Variants in YWHAZ observed in about 807,000 individuals in gnomAD.
YWHAZ encodes the protein tyrosine 3-monooxygenase/tryptophan 5-monooxygenase activation protein zeta, also known as 14-3-3 protein zeta/delta.
For missense variants in YWHAZ, 79 were observed against 284.8 expected, an observed-to-expected ratio of 0.28 and a Z score of 5.20; for synonymous variants, 87 against 103.6, an observed-to-expected ratio of 0.84 and a Z score of 0.97.
chr8:100,944,640 T>C (rs903145854), intron 2 of YWHAZ, among the ~76,000 whole-genome samples: 3 of 152,230 alleles, frequency 2.0e-5, no homozygotes, highest in Non-Finnish European at 4.4e-5. Context: ...TAAAGGCTTC[T>C]TCAATCTTCG....
In YWHAZ at chr8:100,918,510, G is replaced by A. The variant is rs1434631512; in HGVS notation, c.*2183C>T. The A allele has an allele frequency of 1.4e-5, 2 of 144,328 alleles. No individual in the cohort carries two copies. The highest frequency in any genetic ancestry group is 3.0e-5 in the Non-Finnish European group (2 of 66,402). The allele number at this position is 144,328 out of a possible 1,614,324, so 8.9% of individuals were successfully genotyped here. ...TAAGTGAGGTAAAAGAAAGAGCTGC[G>A]AGGGAAAAGGATTGTTGCCCTAGAT... On this transcript the variant is annotated 3_prime_UTR_variant, in exon 6 of 6. Transcript: ENST00000395958.
At chr8:100,943,738 G>A (rs1025486376) in intron 2 of YWHAZ, among the ~76,000 whole-genome samples, 7 of 152,066 alleles carry the variant, frequency 4.6e-5, no homozygotes, top group Non-Finnish European at 8.8e-5. Flanking sequence ...TGTAATCCCA[G>A]CACTTTGGGA....
intron 2 of YWHAZ, among the ~76,000 whole-genome samples, chr8:100,935,760 TACTA>T (rs778102144): frequency 4.6e-5 from 7 of 152,162 alleles, no homozygotes; most frequent in Admixed American, 1.3e-4. Flanking sequence ...GTACTAATTC[TACTA>T]ACTAAGAGGC....
intron 2 of YWHAZ, among the ~76,000 whole-genome samples, chr8:100,932,339 CTCTTA>C (rs1321098634): frequency 2.0e-5 from 3 of 152,156 alleles, no homozygotes; most frequent in African/African-American, 7.2e-5. Flanking sequence ...TCTGAACTCC[CTCTTA>C]TGTGAAATAA....
chr8:100,926,724 G>C (rs900292566), intron 2 of YWHAZ, among the ~76,000 whole-genome samples: 2 of 152,220 alleles, frequency 1.3e-5, no homozygotes, highest in Non-Finnish European at 2.9e-5. Flanking sequence ...CATATTCAAA[G>C]TTCTCTTAGC....
At chr8:100,950,678 G>T in intron 1 of YWHAZ, 1 of 881,398 alleles carries the variant, frequency 1.1e-6, no homozygotes, top group South Asian at 5.2e-5. Flanking sequence ...GAGAGATGGG[G>T]AGCGAAGCCG....
At chr8:100,928,180 T>G (rs886186022) in intron 2 of YWHAZ, among the ~76,000 whole-genome samples, 4 of 151,992 alleles carry the variant, frequency 2.6e-5, no homozygotes, top group African/African-American at 9.7e-5. Flanking sequence ...CTCGGGAGAC[T>G]GAGGCAGGAG....
Position 100,922,199 on chromosome 8 carries a change from T to C in YWHAZ, c.679-1447A>G, listed in dbSNP as rs1050859380. Among the ~76,000 whole-genome samples, 1 of 152,216 alleles carries C rather than the reference T, an allele frequency of 6.6e-6. No homozygotes were observed. Among genetic ancestry groups the C allele is most frequent in the African/African-American group, 2.4e-5 (1 of 41,458 alleles). ...CAAATTTGATACAAAATATTTCTTT[T>C]TCTAGAGTAATGTGTTGACAGTCTT... On this transcript the variant is annotated intron_variant, in intron 5 of 5. Transcript: ENST00000395958. The surrounding 1 kb of genome is among the most constrained non-coding windows in gnomAD (Gnocchi z 4.1).
intron 2 of YWHAZ, chr8:100,931,906 G>C (rs922735914): frequency 6.6e-6 from 1 of 152,008 alleles, no homozygotes; most frequent in African/African-American, 2.4e-5. Flanking sequence ...ACAGGATTAA[G>C]ACATATCAAA....
upstream of YWHAZ, chr8:100,952,162 C>T (rs574727317): frequency 2.6e-4 from 252 of 985,240 alleles, no homozygotes; most frequent in African/African-American, 4.2e-3. Context: ...CCACAGCGAT[C>T]GGGGCCCCGC....
intron 5 of YWHAZ, chr8:100,923,020 C>CA (rs1217070344): frequency 1.3e-5 from 2 of 152,088 alleles, no homozygotes; most frequent in African/African-American, 4.8e-5. Flanking sequence ...AACAAGTATA[C>CA]AATACTATTC....
rs184119704 is a variant in YWHAZ at position 100,931,605 on chromosome 8, T to C, written c.295-6566A>G. Among the ~76,000 whole-genome samples the C allele has an allele frequency of 2.6e-5, 4 of 152,280 alleles. No individual in the cohort carries two copies. In the East Asian group the frequency reaches 5.8e-4, roughly 22 times the overall value. On this transcript the variant is annotated intron_variant, in intron 2 of 5. Coordinates refer to ENST00000395958, the MANE Select transcript of YWHAZ (RefSeq NM_145690.3). ...CCATTAATTTTGAGAATTTACACAATAGCTAATCTTTATTTTCTCATCTAT... is the reference window on the plus strand; with the variant it reads ...CCATTAATTTTGAGAATTTACACAACAGCTAATCTTTATTTTCTCATCTAT...
upstream of YWHAZ, chr8:100,952,927 C>T (rs1228461540): frequency 2.0e-6 from 2 of 1,000,432 alleles, no homozygotes; most frequent in Non-Finnish European, 2.4e-6. Context: ...CTGAGTGTGG[C>T]TGAGTGATGG....
chr8:100,950,983 G>A (rs1388911933), intron 1 of YWHAZ: 1 of 217,864 alleles, frequency 4.6e-6, no homozygotes, highest in Non-Finnish European at 7.8e-6. Context: ...AAGCACGGGA[G>A]CCGACTGCGG....
intron 5 of YWHAZ, chr8:100,923,685 T>A (rs1281856873): frequency 3.7e-6 from 1 of 267,212 alleles, no homozygotes; most frequent in Non-Finnish European, 7.0e-6. Flanking sequence ...CTAAAACATG[T>A]AGAGTCTCAG....
chr8:100,918,407 TTTATATATATATATATATATA>T lies in YWHAZ; in HGVS notation c.*2265_*2285del, dbSNP rs1480011808. 7.3e-5 allele frequency: 5 copies of T among 68,606 alleles called. 2 individuals are homozygous for T. Among genetic ancestry groups the T allele is most frequent in the African/African-American group, 1.7e-4 (3 of 17,736 alleles). The allele number at this position is 68,606 out of a possible 1,614,324, so 4.2% of individuals were successfully genotyped here. On this transcript the variant is annotated 3_prime_UTR_variant, in exon 6 of 6. Transcript: ENST00000395958. ...CAGTCTAGCTATAAAATATAATTAC[TTTATATATATATATATATATA>T]TATATATATATATATAATTATTTTA...
At chr8:100,936,118 T>C (rs1814130121) in intron 2 of YWHAZ, among the ~76,000 whole-genome samples, 1 of 152,204 alleles carries the variant, frequency 6.6e-6, no homozygotes, top group African/African-American at 2.4e-5. Flanking sequence ...GTGCTGAGAT[T>C]TGGGCTTGCC....
rs112901132 is a variant in YWHAZ at position 100,942,476 on chromosome 8, C to T, written c.294+6120G>A. ...AATAAAAAAGAGAGAACTGCTGATA[C>T]GACCGTTCTTCCCACACCAAAATTT... On this transcript the variant is annotated intron_variant, in intron 2 of 5. Transcript: ENST00000395958. Among the ~76,000 whole-genome samples, 246 of 152,298 alleles carry T rather than the reference C, an allele frequency of 1.6e-3. 1 individual carries two copies. The highest frequency in any genetic ancestry group is 4.2e-3 in the African/African-American group (173 of 41,558).
chr8:100,940,108 CTT>C (rs934077220), intron 2 of YWHAZ, among the ~76,000 whole-genome samples: 1 of 143,440 alleles, frequency 7.0e-6, no homozygotes, highest in Non-Finnish European at 1.5e-5. Flanking sequence ...TCAAAAAGAA[CTT>C]ATATCAAAAA....
Sources: gnomAD v4.1 joint callset for allele counts (sites outside exome capture counted in the v4.1 genomes callset) on GRCh38, gnomAD v4.1.1 for gene constraint, Gnocchi (gnomAD v3.1) non-coding constraint, MANE v1.5 for transcripts, NCBI Gene and HGNC (gene_info 2026-07-23, HGNC 2026-07-21) for gene names.